Variants in AHNAK observed in about 807,000 individuals in gnomAD.
AHNAK encodes the protein neuroblast differentiation-associated protein AHNAK.
AHNAK carries 23 observed loss-of-function variants against 37.8 expected under a neutral mutation model. The observed-to-expected ratio is 0.61, with a 90% CI of 0.44 to 0.86. The LOEUF (loss-of-function observed/expected upper bound fraction) is 0.86. Ranked by LOEUF, AHNAK falls within the 40% of genes least tolerant of loss-of-function variation. The pLI is 0.00. For missense variants in AHNAK, 7,411 were observed against 7,319.4 expected (o/e 1.01, Z -0.46); for synonymous variants, 2,481 against 2,636.3 (o/e 0.94, Z 1.80).
Position 62,526,873 on chromosome 11 carries a change from ATTT to A in AHNAK, c.7541_7543del (p.Lys2514del). On this transcript the variant is annotated inframe_deletion, in exon 5 of 5. Coordinates refer to ENST00000378024, the MANE Select transcript of AHNAK (RefSeq NM_001620.3). ...GAAGCCAGGCATGCTGAACTTGGGC[ATTT>A]TCATCTTGGGCATCTTCAGGTGCCA... The A allele has an allele frequency of 1.2e-6, 2 of 1,613,918 alleles. No individual in the cohort carries two copies. The highest frequency in any genetic ancestry group is 1.7e-6 in the Non-Finnish European group (2 of 1,179,998).
At position 62,516,643 on chromosome 11, in the gene AHNAK, A is replaced by T; in HGVS notation, c.*101T>A. 6.6e-7 allele frequency: 1 copy of T among 1,504,082 alleles called. No homozygotes were observed. The highest frequency in any genetic ancestry group is 8.8e-7 in the Non-Finnish European group (1 of 1,135,790). The allele number at this position is 1,504,082 out of a possible 1,614,324, so 93.2% of individuals were successfully genotyped here. ...AGGCAAGGTCTTTGCATGATTGCTG[A>T]GGCAGTCGGTGTGTTTCCCTTTGGA... On this transcript the variant is annotated 3_prime_UTR_variant, in exon 5 of 5. Coordinates refer to ENST00000378024, the MANE Select transcript of AHNAK (RefSeq NM_001620.3).
intron 4 of AHNAK, among the ~76,000 whole-genome samples, chr11:62,508,416 C>T (rs1264105238): frequency 6.6e-6 from 1 of 152,182 alleles, no homozygotes; most frequent in Non-Finnish European, 1.5e-5. Flanking sequence ...TGCCTGCTTG[C>T]CTGGGCGGAG....
At position 62,521,250 on chromosome 11, in the gene AHNAK, G is replaced by C. The variant is rs773701795; in HGVS notation, c.13167C>G (p.Asp4389Glu). ...NIKAPKISMP[D>E]IDFNLKGPKV... ...TGGGACCCTTCAAGTTAAAGTCAAT[G>C]TCAGGCATGGAGATTTTGGGGGCCT... The change falls in exon 5 of 5, where the codon GAC (aspartate) becomes GAG (glutamate). Residue 4389 changes from aspartate to glutamate, a missense_variant. By Grantham distance (45) the Asp-to-Glu change is conservative. Transcript: ENST00000378024. 26 of 1,613,850 alleles carry C rather than the reference G, an allele frequency of 1.6e-5. No homozygotes were observed. The highest frequency in any genetic ancestry group is 1.2e-4 in the African/African-American group (9 of 74,828).
At position 62,520,640 on chromosome 11, in the gene AHNAK, T is replaced by A. The variant is rs774115938; in HGVS notation, c.13777A>T (p.Ile4593Phe). Residue 4593 changes from isoleucine (I) to phenylalanine (F), a missense_variant, in exon 5 of 5, where the codon ATC (isoleucine) becomes TTC (phenylalanine). Transcript: ENST00000378024. ...TTCAGGTCAACTTCAGGCATAGAGATCTTCGGTGCCTTGAGGTGTAAGTCA... is the reference window on the plus strand; with the variant it reads ...TTCAGGTCAACTTCAGGCATAGAGAACTTCGGTGCCTTGAGGTGTAAGTCA... ...MPDLHLKAPK[I>F]SMPEVDLNLK... 4 of 1,614,052 alleles carry A rather than the reference T, an allele frequency of 2.5e-6. No individual in the cohort carries two copies. In the East Asian group the frequency reaches 6.7e-5, roughly 27 times the overall value.
intron 1 of AHNAK, among the ~76,000 whole-genome samples, chr11:62,538,317 GC>G (rs1941018401): frequency 1.3e-5 from 2 of 152,178 alleles, no homozygotes; most frequent in Non-Finnish European, 2.9e-5. Flanking sequence ...CCTGAGCCAG[GC>G]CCTTATAGGT....
Position 62,524,697 on chromosome 11 carries a change from T to A in AHNAK, c.9720A>T (p.Ser3240=). ...TCAAATCACCTTCTACATTTGCAAG[T>A]GAAACATCCACCTCTCCTTTCATTT... is the stretch of plus-strand genomic sequence containing the variant. ...GPKMKGEVDV[S]LANVEGDLKG... is the part of the protein sequence containing the mutation. The change falls in exon 5 of 5, where the codon TCA becomes TCT. Residue 3240 remains serine, a synonymous_variant. Coordinates refer to ENST00000378024, the MANE Select transcript of AHNAK (RefSeq NM_001620.3). 1 of 1,614,230 alleles carries A rather than the reference T, an allele frequency of 6.2e-7. No individual in the cohort carries two copies. Among genetic ancestry groups the A allele is most frequent in the East Asian group, 2.2e-5 (1 of 44,892 alleles).
intron 5 of AHNAK, among the ~76,000 whole-genome samples, chr11:62,454,093 C>T (rs1938599181): frequency 1.4e-5 from 2 of 142,512 alleles, no homozygotes; most frequent in Non-Finnish European, 3.0e-5. Flanking sequence ...GGCAACAGAG[C>T]GAATCTCTGT....
intron 4 of AHNAK, among the ~76,000 whole-genome samples, chr11:62,501,579 A>T (rs1244896845): frequency 6.6e-6 from 1 of 152,236 alleles, no homozygotes; most frequent in East Asian, 1.9e-4. Context: ...AAAATAAAAT[A>T]AAAGAACTTT....
chr11:62,470,616 A>ACAAAAAACAAAAAG (rs2134847257), intron 5 of AHNAK, among the ~76,000 whole-genome samples: 1 of 152,238 alleles, frequency 6.6e-6, no homozygotes, highest in African/African-American at 2.4e-5. Context: ...AAAACAAAAA[A>ACAAAAAACAAAAAG]CAAAAAACAA....
At chr11:62,458,693 G>A (rs972181612) in intron 5 of AHNAK, among the ~76,000 whole-genome samples, 8 of 152,170 alleles carry the variant, frequency 5.3e-5, no homozygotes, top group Admixed American at 1.3e-4. Flanking sequence ...CTTGTGGACA[G>A]GAGCTAGCTC....
chr11:62,472,790 C>A (rs117584237), intron 5 of AHNAK, among the ~76,000 whole-genome samples: 1 of 152,190 alleles, frequency 6.6e-6, no homozygotes, highest in East Asian at 1.9e-4. Flanking sequence ...TAGTAAAATT[C>A]ACGAAACAAA....
rs753090563 is a variant in AHNAK, at chr11:62,520,679, T to C, written c.13738A>G (p.Lys4580Glu). The stretch of plus-strand genomic sequence containing the variant: ...AGGTGTAAGTCAGGCATTTTAAATT[T>C]GGGGCCCTTCAGTTTCCCTTCTGGA... ...HGPEGKLKGPKFKMPDLHLKA... is the reference protein window; with the variant it reads ...HGPEGKLKGPEFKMPDLHLKA... The change falls in exon 5 of 5, where the codon AAA (lysine) becomes GAA (glutamate). Residue 4580 changes from lysine to glutamate, a missense_variant. Transcript: ENST00000378024. 2 of 1,614,148 alleles carry C rather than the reference T, an allele frequency of 1.2e-6. No homozygotes were observed. Among genetic ancestry groups the C allele is most frequent in the Admixed American group, 1.7e-5 (1 of 60,014 alleles).
intron 5 of AHNAK, among the ~76,000 whole-genome samples, chr11:62,455,867 A>C (rs72925336): frequency 0.12 from 16,756 of 137,300 alleles, 1,112 homozygotes; most frequent in Middle Eastern, 0.19. Context: ...CCATCCCCCC[A>C]AAAAAAAAAA....
Position 62,519,683 on chromosome 11 carries a change from A to G in AHNAK, c.14734T>C (p.Ser4912Pro), listed in dbSNP as rs755265712. The G allele has an allele frequency of 3.7e-6, 6 of 1,613,946 alleles. No homozygotes were observed. Among genetic ancestry groups the G allele is most frequent in the African/African-American group, 2.7e-5 (2 of 74,910 alleles). Residue 4912 changes from serine to proline, a missense_variant, in exon 5 of 5, where the codon TCT becomes CCT. Coordinates refer to ENST00000378024, the MANE Select transcript of AHNAK (RefSeq NM_001620.3). ...PSLKMPSLEI[S>P]APKVTAPDVD... ...TCAGGAGCAGTTACTTTAGGAGCAGATATCTCCAGCGATGGCATCTTCAAA... is the reference window on the plus strand; with the variant it reads ...TCAGGAGCAGTTACTTTAGGAGCAGGTATCTCCAGCGATGGCATCTTCAAA...
rs769356894 is a variant in AHNAK at position 62,520,497 on chromosome 11, A to G, written c.13920T>C (p.Asp4640=). The G allele has an allele frequency of 1.2e-6, 2 of 1,613,974 alleles. No homozygotes were observed. Among genetic ancestry groups the G allele is most frequent in the Admixed American group, 3.3e-5 (2 of 59,996 alleles). Residue 4640 remains aspartate, a synonymous_variant, in exon 5 of 5, where the codon GAT becomes GAC. Coordinates refer to ENST00000378024, the MANE Select transcript of AHNAK (RefSeq NM_001620.3). Reference sequence around the variant, plus strand: ...GCCAGTCTGGGCCTTGAACGTCCACATCTGGGACATCAATGTCCACTTTGG... The same window carrying G: ...GCCAGTCTGGGCCTTGAACGTCCACGTCTGGGACATCAATGTCCACTTTGG... ...RDPKVDIDVP[D]VDVQGPDWHL...
rs114577843 is a variant in AHNAK, at chr11:62,532,010, C to T, written c.2407G>A (p.Gly803Arg). ...ATCTCAGGCATCTTAAACTTGGGCC[C>T]TTTCAATTTCCCTTCTGGTTCCTCA... Reference protein sequence around the residue: ...SIEEPEGKLKGPKFKMPEMNI... With the variant: ...SIEEPEGKLKRPKFKMPEMNI... Residue 803 changes from glycine to arginine, a missense_variant, in exon 5 of 5, where the codon GGG becomes AGG. Coordinates refer to ENST00000378024, the MANE Select transcript of AHNAK (RefSeq NM_001620.3). 1 of 1,613,786 alleles carries T rather than the reference C, an allele frequency of 6.2e-7. No homozygotes were observed. Among genetic ancestry groups the T allele is most frequent in the Non-Finnish European group, 8.5e-7 (1 of 1,180,018 alleles).
Position 62,533,409 on chromosome 11 carries a change from G to C in AHNAK, c.1008C>G (p.Val336=), listed in dbSNP as rs766241956. Residue 336 remains valine, a synonymous_variant, in exon 5 of 5, where the codon GTC becomes GTG. Coordinates refer to ENST00000378024, the MANE Select transcript of AHNAK (RefSeq NM_001620.3). The part of the protein sequence containing the change: ...KAGLRVSAPE[V]SVGHKGGKPG... ...GCTTGCCGCCCTTGTGCCCCACAGA[G>C]ACTTCAGGTGCAGAAACCCTCAGCC... 2 of 1,607,468 alleles carry C rather than the reference G, an allele frequency of 1.2e-6. No homozygotes were observed. Among genetic ancestry groups the C allele is most frequent in the Non-Finnish European group, 1.7e-6 (2 of 1,176,542 alleles).
intron 5 of AHNAK, among the ~76,000 whole-genome samples, chr11:62,459,231 G>A (rs1442192235): frequency 6.6e-6 from 1 of 152,152 alleles, no homozygotes; most frequent in Admixed American, 6.6e-5. Context: ...GATATTTTGA[G>A]ATTTCACAAC....
chr11:62,517,381 C>T lies in AHNAK; in HGVS notation c.17036G>A (p.Gly5679Glu). 6.2e-7 allele frequency: 1 copy of T among 1,614,180 alleles called. No homozygotes were observed. The highest frequency in any genetic ancestry group is 8.5e-7 in the Non-Finnish European group (1 of 1,180,024). Residue 5679 changes from glycine (G) to glutamate (E), a missense_variant, in exon 5 of 5, where the codon GGG becomes GAG. Gly to Glu is a moderately conservative substitution (Grantham distance 98). Transcript: ENST00000378024. ...SGRELVGREMGVDVHFPKAEA... is the reference protein window; with the variant it reads ...SGRELVGREMEVDVHFPKAEA... ...TGCTTTAGGGAAGTGAACATCCACC[C>T]CCATTTCTCTGCCAACCAGCTCACG...
Sources: allele counts gnomAD v4.1 joint callset (sites outside exome capture counted in the v4.1 genomes callset), GRCh38; gene constraint gnomAD v4.1.1; transcripts MANE v1.5; gene names NCBI Gene and HGNC (gene_info 2026-07-23, HGNC 2026-07-21).